Variants in PSG8 observed in about 807,000 individuals in gnomAD.
PSG8 encodes pregnancy specific beta-1-glycoprotein 8.
PSG8 carries 57 observed loss-of-function variants against 42.5 expected under a neutral mutation model. The ratio of observed to expected loss-of-function variants is 1.34; its 90% CI spans 1.08 to 1.67. The LOEUF (loss-of-function observed/expected upper bound fraction) is 1.67. Among genes scored for constraint, PSG8 ranks in the 40% most tolerant of loss-of-function variants. PSG8 has a pLI of 0.00. For missense variants in PSG8, 783 were observed against 518.6 expected (o/e 1.51, Z -4.95); for synonymous variants, 280 against 196.8 (o/e 1.42, Z -3.54).
intron 2 of PSG8, among the ~76,000 whole-genome samples, chr19:42,760,791 C>G (rs921027258): frequency 1.3e-5 from 2 of 152,054 alleles, no homozygotes; most frequent in Non-Finnish European, 2.9e-5. Flanking sequence ...ACCATGTTAG[C>G]CAGGATGGTC....
At chr19:42,757,925 G>A in intron 3 of PSG8, 77 bp downstream of exon 3, 1 of 1,613,688 alleles carries the variant, frequency 6.2e-7, no homozygotes, top group Non-Finnish European at 8.5e-7. Flanking sequence ...GGACCTGAGA[G>A]GGACTGAGAG....
At chr19:42,762,664 G>C (rs929924516) in intron 2 of PSG8, among the ~76,000 whole-genome samples, 1 of 151,946 alleles carries the variant, frequency 6.6e-6, no homozygotes. Flanking sequence ...TGGACACTTT[G>C]GGAAACACAG....
Position 42,758,261 on chromosome 19 carries a change from G to A in PSG8, c.450C>T (p.Ser150=). 1.2e-6 allele frequency: 2 copies of A among 1,613,912 alleles called. No homozygotes were observed. Among genetic ancestry groups the A allele is most frequent in the South Asian group, 1.1e-5 (1 of 91,058 alleles). ...TGGGGTTTAATTTGCTGCTGGAGAT[G>A]GAGGGCTTGGGAGTCTCCACTGTGC... is the stretch of plus-strand genomic sequence containing the variant. The part of the protein sequence containing the change: ...FTLYLETPKP[S]ISSSKLNPRE... The change falls in exon 3 of 5, where the codon TCC becomes TCT. Residue 150 remains serine (S), a synonymous_variant. Transcript: ENST00000306511.
intron 2 of PSG8, among the ~76,000 whole-genome samples, chr19:42,761,193 C>T (rs1970064105): frequency 2.6e-5 from 4 of 152,184 alleles, no homozygotes; most frequent in South Asian, 2.1e-4. Flanking sequence ...GCTGTCCTCA[C>T]TCATTGCTGG....
Position 42,755,242 on chromosome 19 carries a change from G to T in PSG8, c.734C>A (p.Thr245Asn), listed in dbSNP as rs370276579. The change falls in exon 4 of 5, where the codon ACC becomes AAC. Residue 245 changes from threonine (T) to asparagine (N), a missense_variant. Physicochemically the swap from Thr to Asn is moderately conservative, Grantham distance 65 (BLOSUM62 0). Transcript: ENST00000306511. Reference sequence around the variant, plus strand: ...CTCCCTGGGTTTTAAGTTGTTGATGGTGATGTAGGGCTTGGGCAGCTTCGC... The same window carrying T: ...CTCCCTGGGTTTTAAGTTGTTGATGTTGATGTAGGGCTTGGGCAGCTTCGC... ...LLPKLPKPYI[T>N]INNLKPRENK... 3 of 1,612,212 alleles carry T rather than the reference G, an allele frequency of 1.9e-6. No individual in the cohort carries two copies. The highest frequency in any genetic ancestry group is 2.5e-6 in the Non-Finnish European group (3 of 1,179,790).
rs544743837 is a variant in PSG8 at position 42,755,073 on chromosome 19, C to G, written c.903G>C (p.Thr301=). The G allele has an allele frequency of 1.2e-6, 2 of 1,612,486 alleles. No individual in the cohort carries two copies. Among genetic ancestry groups the G allele is most frequent in the South Asian group, 1.1e-5 (1 of 91,004 alleles). Residue 301 remains threonine (T), a synonymous_variant, in exon 4 of 5, where the codon ACG becomes ACC. Transcript: ENST00000306511. ...ENRILILPSV[T]RNETGPYQCE... is the part of the protein sequence containing the mutation. ...ATTGATAGGGTCCTGTTTCATTTCT[C>G]GTGACACTGGGTAGAATGAGGATCC... is the stretch of plus-strand genomic sequence containing the variant.
At chr19:42,756,725 A>G (rs578056361) in intron 3 of PSG8, among the ~76,000 whole-genome samples, 2 of 152,228 alleles carry the variant, frequency 1.3e-5, no homozygotes, top group African/African-American at 4.8e-5. Flanking sequence ...TGGGATGTGA[A>G]GCCTTTGAAG....
Position 42,764,143 on chromosome 19 carries a change from T to C in PSG8, c.203A>G (p.Tyr68Cys). The stretch of plus-strand genomic sequence containing the variant: ...GTAGAGGTCCCTGATTTGCCCTTTG[T>C]ACCAGATGTAGCCAGTAAGATTCTG... ...LPQNLTGYIW[Y>C]KGQIRDLYHY... Residue 68 changes from tyrosine (Y) to cysteine (C), a missense_variant, in exon 2 of 5, where the codon TAC (tyrosine) becomes TGC (cysteine). Coordinates refer to ENST00000306511, the MANE Select transcript of PSG8 (RefSeq NM_182707.3). 6.2e-7 allele frequency: 1 copy of C among 1,613,912 alleles called. No homozygotes were observed. The highest frequency in any genetic ancestry group is 8.5e-7 in the Non-Finnish European group (1 of 1,179,898).
At chr19:42,754,833 A>G (rs1230785902) in intron 4 of PSG8, 155 bp downstream of exon 4, 1 of 1,495,736 alleles carries the variant, frequency 6.7e-7, no homozygotes, top group Non-Finnish European at 8.9e-7. Context: ...GGCTGTGCCT[A>G]CCCAGGTTTT....
intron 2 of PSG8, among the ~76,000 whole-genome samples, chr19:42,759,707 T>C (rs1236721192): frequency 6.6e-6 from 1 of 152,180 alleles, no homozygotes; most frequent in Non-Finnish European, 1.5e-5. Flanking sequence ...GACCTCATGT[T>C]ATGTTCTGAC....
chr19:42,765,140 C>G (rs1303199398), intron 1 of PSG8, among the ~76,000 whole-genome samples: 2 of 149,648 alleles, frequency 1.3e-5, no homozygotes, highest in African/African-American at 5.0e-5. Context: ...GCCTTCTTTC[C>G]TTTTTCTCTT....
chr19:42,764,391 GAC>G (rs1251330230), intron 1 of PSG8, 110 bp from the exon 2 acceptor site: 6 of 1,483,314 alleles, frequency 4.0e-6, no homozygotes, highest in Non-Finnish European at 5.4e-6. Flanking sequence ...TGAAGACACA[GAC>G]ACACACACAT....
chr19:42,753,881 T>C, downstream of PSG8: 1 of 486,592 alleles, frequency 2.1e-6, no homozygotes, highest in Middle Eastern at 3.7e-4. Flanking sequence ...TTCTCATGAA[T>C]AGTTGCCCAA....
chr19:42,762,136 G>A (rs1970092214), intron 2 of PSG8, among the ~76,000 whole-genome samples: 1 of 151,520 alleles, frequency 6.6e-6, no homozygotes, highest in African/African-American at 2.4e-5. Context: ...CTAGTCAGAG[G>A]GAGTGTCTGG....
chr19:42,764,109 AAT>A lies in PSG8; in HGVS notation c.235_236del (p.Ile79TyrfsTer50). The A allele has an allele frequency of 6.2e-7, 1 of 1,613,864 alleles. No individual in the cohort carries two copies. Among genetic ancestry groups the A allele is most frequent in the Non-Finnish European group, 8.5e-7 (1 of 1,179,870 alleles). On this transcript the variant is annotated frameshift_variant, in exon 2 of 5. Transcript: ENST00000306511. LOFTEE classifies it high-confidence loss of function. ...KGQIRDLYHY[I>X]TSYVVDGQII... ...TTTGACCGTCTACTACATATGATGTAATGTAATGGTAGAGGTCCCTGATTTGC... is the reference window on the plus strand; with the variant it reads ...TTTGACCGTCTACTACATATGATGTAGTAATGGTAGAGGTCCCTGATTTGC...
Position 42,755,284 on chromosome 19 carries a change from A to G in PSG8, c.710-18T>C. ...CAGCTTCGCTGTGTGGATAACAGAG[A>G]GAAGATTGTCCTGTGTGGCACCTTT... On this transcript the variant is annotated intron_variant, in intron 3 of 4. Transcript: ENST00000306511. 6.2e-7 allele frequency: 1 copy of G among 1,605,592 alleles called. No homozygotes were observed. Among genetic ancestry groups the G allele is most frequent in the Non-Finnish European group, 8.5e-7 (1 of 1,176,610 alleles).
At chr19:42,754,825 C>T in intron 4 of PSG8, 163 bp downstream of exon 4, 2 of 1,483,398 alleles carry the variant, frequency 1.3e-6, no homozygotes. Flanking sequence ...TTGGTTAAGG[C>T]TGTGCCTACC....
Position 42,764,819 on chromosome 19 carries a change from A to G in PSG8, c.65-538T>C, listed in dbSNP as rs181623078. 7.8e-4 allele frequency among the ~76,000 whole-genome samples: 119 copies of G among 152,180 alleles called. 3 individuals are homozygous for G. The highest frequency in any genetic ancestry group is 3.3e-4 in the Admixed American group (5 of 15,286). On this transcript the variant is annotated intron_variant, in intron 1 of 4. Transcript: ENST00000306511. ...TGATCTTGGTTGCACCCCAGTGCCC[A>G]GAACAGGCTGCAGACTCCTGTAGAT...
At position 42,755,025 on chromosome 19, in the gene PSG8, A is replaced by C; in HGVS notation, c.951T>G (p.Gly317=). The change falls in exon 4 of 5, where the codon GGT becomes GGG. Residue 317 remains glycine, a synonymous_variant. Coordinates refer to ENST00000306511, the MANE Select transcript of PSG8 (RefSeq NM_182707.3). ...GGGTGACTGGGTAACTGCGGATGCC[A>C]CCATATTGGTCCCTTATTTCACATT... is the stretch of plus-strand genomic sequence containing the variant. ...PYQCEIRDQY[G]GIRSYPVTLN... 6.2e-7 allele frequency: 1 copy of C among 1,613,282 alleles called. No individual in the cohort carries two copies. The highest frequency in any genetic ancestry group is 1.1e-5 in the South Asian group (1 of 91,038).
Sources: allele counts gnomAD v4.1 joint callset (sites outside exome capture counted in the v4.1 genomes callset), GRCh38; gene constraint gnomAD v4.1.1; transcripts MANE v1.5; gene names NCBI Gene and HGNC (gene_info 2026-07-23, HGNC 2026-07-21).